The following UNC13C variants were observed in gnomAD, a reference collection of about 807,000 sequenced individuals.
The protein encoded by UNC13C is protein unc-13 homolog C.
A neutral mutation model predicts 245.4 loss-of-function variants in UNC13C; 174 were observed. The observed-to-expected ratio is 0.71, with a 90% CI of 0.63 to 0.80. The LOEUF is 0.80. Among genes scored for constraint, UNC13C ranks in the 30% least tolerant of loss-of-function variants. The pLI is 0.00. For missense variants in UNC13C, 2,829 were observed against 2,602.9 expected (o/e 1.09, Z -1.89); for synonymous variants, 992 against 895.1 (o/e 1.11, Z -1.93).
the UNC13C span, among the ~76,000 whole-genome samples, chr15:53,897,830 C>T: frequency 1.3e-5 from 2 of 152,148 alleles, no homozygotes; most frequent in African/African-American, 2.4e-5. Context: ...TTAACTTTAC[C>T]TTGACACTTT....
intron 19 of UNC13C, among the ~76,000 whole-genome samples, chr15:54,458,878 C>T (rs1425468626): frequency 6.6e-6 from 1 of 151,510 alleles, no homozygotes; most frequent in Non-Finnish European, 1.5e-5. Flanking sequence ...TTTAGTGGAG[C>T]ATTTAGGCCA....
At chr15:54,060,943 A>G (rs1228860486) in intron 2 of UNC13C, among the ~76,000 whole-genome samples, 1 of 152,072 alleles carries the variant, frequency 6.6e-6, no homozygotes, top group East Asian at 1.9e-4. Flanking sequence ...CAGGAAGGGG[A>G]ACATCACACA....
chr15:54,336,445 T>TG (rs2038578938), intron 16 of UNC13C, among the ~76,000 whole-genome samples: 1 of 151,432 alleles, frequency 6.6e-6, no homozygotes, highest in Middle Eastern at 3.4e-3. Context: ...TAATTAATCT[T>TG]AAAATATCTC....
intron 24 of UNC13C, chr15:54,512,305 C>T (rs1894781283): frequency 2.2e-6 from 1 of 455,538 alleles, no homozygotes; most frequent in South Asian, 1.6e-5. Context: ...TGTAATGTGT[C>T]ATGTCTTTGT....
In UNC13C at chr15:53,983,089, A is replaced by G. The variant is rs1480625609; in HGVS notation, c.-257+4162A>G. Among the ~76,000 whole-genome samples the G allele has an allele frequency of 2.6e-5, 4 of 152,296 alleles. No individual in the cohort carries two copies. In the East Asian group the frequency reaches 7.7e-4, roughly 29 times the overall value. On this transcript the variant is annotated intron_variant, in intron 1 of 32. Transcript: ENST00000260323. ...TAATCCATGGAACTGCACATTTTGT[A>G]TAAGGCTCTTTACTGTGACTCATTA...
At chr15:54,354,570 G>A (rs534565895) in intron 17 of UNC13C, among the ~76,000 whole-genome samples, 1 of 152,176 alleles carries the variant, frequency 6.6e-6, no homozygotes, top group South Asian at 2.1e-4. Flanking sequence ...ATTAAACTTG[G>A]CACTGACAGC....
At chr15:54,604,006 T>G (rs1484952573) in intron 30 of UNC13C, among the ~76,000 whole-genome samples, 1 of 152,204 alleles carries the variant, frequency 6.6e-6, no homozygotes, top group Non-Finnish European at 1.5e-5. Flanking sequence ...ATTCAGAGCC[T>G]GTGATATCCT....
Position 54,059,222 on chromosome 15 carries a change from C to T in UNC13C, c.2983+43336C>T, listed in dbSNP as rs577164313. Reference sequence around the variant, plus strand: ...TGTTTATCGAGAAAACCCCATTAGCCTCAGCCCAAAATCCCCTTAAGCTGA... The same window carrying T: ...TGTTTATCGAGAAAACCCCATTAGCTTCAGCCCAAAATCCCCTTAAGCTGA... On this transcript the variant is annotated intron_variant, in intron 2 of 32. Transcript: ENST00000260323. Among the ~76,000 whole-genome samples, 18 of 135,766 alleles carry T rather than the reference C, an allele frequency of 1.3e-4. No homozygotes were observed. The South Asian group carries it at 2.0e-3, about 15-fold the overall frequency. 89.1% of individuals were successfully genotyped at this position (135,766 alleles called of 152,430 possible).
chr15:53,875,680 C>G, the UNC13C span, among the ~76,000 whole-genome samples: 1 of 152,250 alleles, frequency 6.6e-6, no homozygotes, highest in African/African-American at 2.4e-5. Context: ...TTAATGCTCC[C>G]TTTGTTCCCT....
At chr15:54,256,950 T>A (rs954871838) in intron 8 of UNC13C, among the ~76,000 whole-genome samples, 1 of 152,176 alleles carries the variant, frequency 6.6e-6, no homozygotes, top group East Asian at 1.9e-4. Context: ...ACGTCTAAGT[T>A]TGGCGCTCTT....
chr15:54,204,530 T>C (rs1383198758), intron 4 of UNC13C, among the ~76,000 whole-genome samples: 1 of 151,948 alleles, frequency 6.6e-6, no homozygotes, highest in African/African-American at 2.4e-5. Context: ...AGATATAAAG[T>C]ATCAAATTCT....
chr15:54,214,257 G>A (rs996219073), intron 4 of UNC13C, among the ~76,000 whole-genome samples: 31 of 151,916 alleles, frequency 2.0e-4, no homozygotes, highest in African/African-American at 7.0e-4. Context: ...TTCCTGATGA[G>A]ATACACAGCC....
chr15:53,850,253 A>C, the UNC13C span, among the ~76,000 whole-genome samples: 3 of 151,792 alleles, frequency 2.0e-5, no homozygotes, highest in Non-Finnish European at 4.4e-5. Context: ...ATCTCCACAA[A>C]AAATAAAAAA....
In UNC13C at chr15:54,549,995, G is replaced by A. The variant is rs563859090; in HGVS notation, c.5877+304G>A. 1.2e-4 allele frequency among the ~76,000 whole-genome samples: 19 copies of A among 152,230 alleles called. No individual in the cohort carries two copies. The South Asian group carries it at 3.9e-3, about 32-fold the overall frequency. On this transcript the variant is annotated intron_variant, in intron 28 of 32. Transcript: ENST00000260323. Reference sequence around the variant, plus strand: ...AGAAGTCTTCAAACCAAGAAACACAGTACGGGAAAATGAAACTCATCAAAG... The same window carrying A: ...AGAAGTCTTCAAACCAAGAAACACAATACGGGAAAATGAAACTCATCAAAG...
chr15:54,104,040 G>A (rs1190462518), intron 2 of UNC13C, among the ~76,000 whole-genome samples: 1 of 152,326 alleles, frequency 6.6e-6, no homozygotes, highest in African/African-American at 2.4e-5. Context: ...ACCATGCCCG[G>A]CCACACGTAG....
At chr15:53,925,547 G>A in the UNC13C span, among the ~76,000 whole-genome samples, 1 of 152,142 alleles carries the variant, frequency 6.6e-6, no homozygotes, top group Non-Finnish European at 1.5e-5. Flanking sequence ...GAAGTGTCAA[G>A]CAGGATAGAA....
intron 4 of UNC13C, among the ~76,000 whole-genome samples, chr15:54,176,857 T>C (rs922617946): frequency 6.6e-6 from 1 of 152,154 alleles, no homozygotes; most frequent in Non-Finnish European, 1.5e-5. Flanking sequence ...TTATAGAAGA[T>C]GTCTTATAAT....
intron 28 of UNC13C, among the ~76,000 whole-genome samples, chr15:54,553,631 T>A (rs1896968164): frequency 6.6e-6 from 1 of 150,718 alleles, no homozygotes; most frequent in African/African-American, 2.4e-5. Flanking sequence ...TTGATGAAAA[T>A]ACACCTGAGA....
chr15:54,073,545 T>C (rs544218200), intron 2 of UNC13C, among the ~76,000 whole-genome samples: 3 of 152,232 alleles, frequency 2.0e-5, no homozygotes, highest in Non-Finnish European at 4.4e-5. Flanking sequence ...CAGCATCTGT[T>C]GTTTCCTGAC....
Sources: allele counts gnomAD v4.1 joint callset (sites outside exome capture counted in the v4.1 genomes callset), GRCh38; gene constraint gnomAD v4.1.1; transcripts MANE v1.5; gene names NCBI Gene and HGNC (gene_info 2026-07-23, HGNC 2026-07-21).